COL2A1: variants seen among roughly 807,000 people sequenced by gnomAD.
COL2A1 encodes collagen alpha-1(II) chain.
In COL2A1, 28 loss-of-function variants were observed where a neutral mutation model predicts 204.5. The observed-to-expected ratio is 0.14, with a 90% CI of 0.10 to 0.19. The LOEUF is 0.19. Among genes scored for constraint, COL2A1 ranks in the 10% least tolerant of loss-of-function variants. The probability of loss-of-function intolerance (pLI) is 1.00; values close to 1 mark genes in which losing one functional copy is unlikely to be tolerated. For missense variants in COL2A1, 1,388 were observed against 2,027.5 expected, an observed-to-expected ratio of 0.68 and a Z score of 6.06; for synonymous variants, 708 against 718.7, an observed-to-expected ratio of 0.99 and a Z score of 0.24.
chr12:48,000,175 G>T (rs183224734), intron 1 of COL2A1, 50 bp from the exon 2 acceptor site: 22 of 1,316,042 alleles, frequency 1.7e-5, no homozygotes, highest in Middle Eastern at 4.7e-4. Context: ...GAAGGAGGGG[G>T]TGGGGAGCCA....
Position 47,980,656 on chromosome 12 carries a change from A to G in COL2A1, c.2523T>C (p.Ala841=), listed in dbSNP as rs752418799. ...GPAGFAGPPG[A]DGQPGAKGEQ... The stretch of plus-strand genomic sequence containing the variant: ...CACCCTTGGCCCCAGGCTGGCCATC[A>G]GCACCCTATAATGGGAAGGAGGAAG... The change falls in exon 39 of 54, where the codon GCT becomes GCC. Residue 841 remains alanine (A), a synonymous_variant. Transcript: ENST00000380518. The surrounding 1 kb of genome is among the most constrained non-coding windows in gnomAD (Gnocchi z 4.5). The G allele has an allele frequency of 3.1e-6, 5 of 1,610,618 alleles. No homozygotes were observed. The highest frequency in any genetic ancestry group is 1.7e-5 in the Admixed American group (1 of 59,712).
At chr12:47,977,775 A>G in intron 44 of COL2A1, 122 bp from the exon 45 acceptor site, 1 of 1,183,872 alleles carries the variant, frequency 8.4e-7, no homozygotes, top group South Asian at 1.3e-5. Context: ...CACACTTTGA[A>G]GCCAAAGTTT....
At position 47,974,681 on chromosome 12, in the gene COL2A1, G is replaced by GCCA; in HGVS notation, c.4065_4067dup (p.Gly1356dup). Reference sequence around the variant, plus strand: ...AGGGCACCCAGGTACTCACATGGAAGCCACCATTGATGGTTTCTCCAAACC... The same window carrying GCCA: ...AGGGCACCCAGGTACTCACATGGAAGCCACCACCATTGATGGTTTCTCCAAACC... On this transcript the variant is annotated inframe_insertion, in exon 52 of 54. Coordinates refer to ENST00000380518, the MANE Select transcript of COL2A1 (RefSeq NM_001844.5). 1 of 1,614,114 alleles carries GCCA rather than the reference G, an allele frequency of 6.2e-7. No homozygotes were observed. The highest frequency in any genetic ancestry group is 8.5e-7 in the Non-Finnish European group (1 of 1,180,016).
At chr12:47,981,750 T>C (rs1179567404) in intron 36 of COL2A1, 26 bp downstream of exon 36, 4 of 1,550,890 alleles carry the variant, frequency 2.6e-6, no homozygotes, top group Admixed American at 2.0e-5. Context: ...AGGCAAGGTG[T>C]GGAGAGGAAA....
At position 47,981,352 on chromosome 12, in the gene COL2A1, A is replaced by G; in HGVS notation, c.2454T>C (p.Arg818=). Residue 818 remains arginine, a synonymous_variant, in exon 37 of 54, where the codon CGT becomes CGC. Transcript: ENST00000380518. ...PPGPAGSAGA[R]GAPGERGETG... Reference sequence around the variant, plus strand: ...AGGGGCAGACACTCACCGGAGCGCCACGAGCACCAGCACTTCCTGCAGGAC... The same window carrying G: ...AGGGGCAGACACTCACCGGAGCGCCGCGAGCACCAGCACTTCCTGCAGGAC... 1 of 1,612,980 alleles carries G rather than the reference A, an allele frequency of 6.2e-7. No individual in the cohort carries two copies. Among genetic ancestry groups the G allele is most frequent in the Non-Finnish European group, 8.5e-7 (1 of 1,179,860 alleles).
chr12:47,981,031 T>C, intron 37 of COL2A1, 63 bp from the exon 38 acceptor site: 1 of 1,497,182 alleles, frequency 6.7e-7, no homozygotes, highest in Non-Finnish European at 9.1e-7. Context: ...TCTGCTCCCC[T>C]CCAAGAGCCC....
chr12:47,983,229 C>T, intron 31 of COL2A1, 92 bp from the exon 32 acceptor site: 5 of 1,518,148 alleles, frequency 3.3e-6, no homozygotes, highest in Non-Finnish European at 4.5e-6. Context: ...TCACTCCTCC[C>T]ATGGGGGATT....
chr12:47,999,862 TTTGCAGTGCTTGCA>T, intron 2 of COL2A1, 43 bp downstream of exon 2: 1 of 1,468,832 alleles, frequency 6.8e-7, no homozygotes, highest in South Asian at 1.1e-5. Flanking sequence ...TGGGAGCGTG[TTTGCAGTGCTTGCA>T]AGTAATTTAT....
chr12:47,975,986 G>A lies in COL2A1; in HGVS notation c.3574C>T (p.Arg1192Ter), dbSNP rs886042651. 6.2e-7 allele frequency: 1 copy of A among 1,613,784 alleles called. No individual in the cohort carries two copies. Among genetic ancestry groups the A allele is most frequent in the South Asian group, 1.1e-5 (1 of 91,084 alleles). ...GPIGPPGPRG[R>*]SGETGPAGPP... ...ACAGCAGGGCCGGTTTCGCCTGATC[G>A]TCCACGGGGACCAGGAGGCCCAATG... Residue 1192 changes from arginine (R) to a stop codon, truncating the protein, a stop_gained, in exon 50 of 54, where the codon CGA (arginine) becomes TGA (stop). Coordinates refer to ENST00000380518, the MANE Select transcript of COL2A1 (RefSeq NM_001844.5). LOFTEE classifies it high-confidence loss of function.
Position 47,980,870 on chromosome 12 carries a change from C to T in COL2A1, c.2517+45G>A. On this transcript the variant is annotated intron_variant, in intron 38 of 53. Coordinates refer to ENST00000380518, the MANE Select transcript of COL2A1 (RefSeq NM_001844.5). The surrounding 1 kb of genome is among the most constrained non-coding windows in gnomAD (Gnocchi z 4.5). ...ATGCCCGAGGGTGCTGGATGTGGAACTGGCCTGAGTGGAGGGACCCAGGAG... is the reference window on the plus strand; with the variant it reads ...ATGCCCGAGGGTGCTGGATGTGGAATTGGCCTGAGTGGAGGGACCCAGGAG... The T allele has an allele frequency of 1.3e-6, 2 of 1,548,356 alleles. No homozygotes were observed. The highest frequency in any genetic ancestry group is 1.7e-6 in the Non-Finnish European group (2 of 1,143,926).
intron 2 of COL2A1, chr12:47,999,669 T>G: frequency 3.7e-6 from 1 of 271,254 alleles, no homozygotes; most frequent in East Asian, 9.8e-5. Flanking sequence ...ATCACATCTG[T>G]CCTTCATGTG....
intron 2 of COL2A1, chr12:47,998,961 C>T (rs1442620317): frequency 1.3e-5 from 2 of 155,974 alleles, no homozygotes; most frequent in African/African-American, 4.8e-5. Context: ...AGTCAATAAC[C>T]TCTCCTTCAC....
chr12:47,982,301 A>G (rs936902137), intron 34 of COL2A1, 141 bp from the exon 35 acceptor site: 1 of 845,124 alleles, frequency 1.2e-6, no homozygotes, highest in African/African-American at 1.7e-5. Flanking sequence ...GTGGGTGAGG[A>G]GCAGCAGGGG....
At chr12:47,984,702 C>T in intron 27 of COL2A1, 103 bp from the exon 28 acceptor site, 1 of 1,127,154 alleles carries the variant, frequency 8.9e-7, no homozygotes, top group South Asian at 1.3e-5. Flanking sequence ...TCCTGATGGA[C>T]AGCCAAGATA....
rs773380247 is a variant in COL2A1 at position 47,982,587 on chromosome 12, G to A, written c.2216C>T (p.Pro739Leu). 1.9e-6 allele frequency: 3 copies of A among 1,613,152 alleles called. No homozygotes were observed. In the South Asian group the frequency reaches 3.3e-5, roughly 18 times the overall value. Residue 739 changes from proline (P) to leucine (L), a missense_variant, in exon 34 of 54, where the codon CCC (proline) becomes CTC (leucine). Physicochemically the swap from Pro to Leu is moderately conservative, Grantham distance 98. Around this residue, in one of 3 missense-constraint regions of COL2A1, gnomAD observed 884 missense variants for 1,415.8 expected, o/e 0.62. Transcript: ENST00000380518. ...ACCTGGAGGGCCCTGAGCCCCAGGG[G>A]GGCCTGCTGGGCCAGATGCACCCTG... ...GPKGASGPAG[P>L]PGAQGPPGLQ...
At position 47,989,289 on chromosome 12, in the gene COL2A1, G is replaced by A. The variant is rs199790574; in HGVS notation, c.1069-8C>T. The A allele has an allele frequency of 6.2e-7, 1 of 1,612,096 alleles. No individual in the cohort carries two copies. The highest frequency in any genetic ancestry group is 2.2e-5 in the East Asian group (1 of 44,808). ...AGCAGGACCGACAGGACCCTGGAGAGAGTAGGCGGATGAGAAGAGAGGTGA... is the reference window on the plus strand; with the variant it reads ...AGCAGGACCGACAGGACCCTGGAGAAAGTAGGCGGATGAGAAGAGAGGTGA... On this transcript the variant is annotated splice_polypyrimidine_tract_variant and splice_region_variant and intron_variant, in intron 17 of 53. Transcript: ENST00000380518.
chr12:47,993,446 G>A lies in COL2A1; in HGVS notation c.969+12C>T, dbSNP rs1939799359. 1 of 1,604,502 alleles carries A rather than the reference G, an allele frequency of 6.2e-7. No homozygotes were observed. On this transcript the variant is annotated intron_variant, in intron 15 of 53. Coordinates refer to ENST00000380518, the MANE Select transcript of COL2A1 (RefSeq NM_001844.5). ...TCTTTGATAAACCTTCCTGGAGGGT[G>A]TCCATACTTACCATTGGGCCCGGAG...
At chr12:47,981,271 T>G in intron 37 of COL2A1, 72 bp downstream of exon 37, 2 of 1,513,158 alleles carry the variant, frequency 1.3e-6, no homozygotes, top group Admixed American at 1.8e-5. Flanking sequence ...CATGAGGGCC[T>G]GCACTGACTC....
intron 18 of COL2A1, chr12:47,988,600 C>A (rs967384846): frequency 3.1e-5 from 5 of 160,792 alleles, no homozygotes; most frequent in African/African-American, 1.2e-4. Flanking sequence ...TGGAAACCCC[C>A]AGGAGGGGAA....
Sources: gnomAD v4.1 joint callset for allele counts on GRCh38, gnomAD v4.1.1 for gene constraint, gnomAD v4.1.1 regional missense constraint, Gnocchi (gnomAD v3.1) non-coding constraint, MANE v1.5 for transcripts, NCBI Gene and HGNC (gene_info 2026-07-23, HGNC 2026-07-21) for gene names.